The following AATF variants were observed in gnomAD, a reference collection of about 807,000 sequenced individuals.
AATF encodes the protein protein AATF.
In AATF, 48 loss-of-function variants were observed where a neutral mutation model predicts 63.7. The observed-to-expected ratio is 0.75, with a 90% CI of 0.60 to 0.96. The LOEUF (loss-of-function observed/expected upper bound fraction) is 0.96. Among genes scored for constraint, AATF ranks in the 40% least tolerant of loss-of-function variants. The pLI, the probability that AATF is intolerant of heterozygous loss-of-function variation, is 0.00. For synonymous variants in AATF, 258 were observed against 247.7 expected (o/e 1.04, Z -0.39); for missense variants, 639 against 685.7 (o/e 0.93, Z 0.76).
intron 11 of AATF, among the ~76,000 whole-genome samples, chr17:37,032,823 TATA>T (rs1567991272): frequency 6.6e-6 from 1 of 152,210 alleles, no homozygotes; most frequent in Non-Finnish European, 1.5e-5. Context: ...ATAATATTGT[TATA>T]ATATTTATTT....
Position 37,042,987 on chromosome 17 carries a change from C to T in AATF, c.1619+11302C>T, listed in dbSNP as rs937635529. On this transcript the variant is annotated intron_variant, in intron 11 of 11. Transcript: ENST00000619387. ...CGATCTCTTGACCTCATGATCTGCC[C>T]ACCTCGGCCTCCCAAAGTGCTGGGA... is the stretch of plus-strand genomic sequence containing the variant. The T allele has an allele frequency of 4.6e-5, 7 of 151,628 alleles. 1 individual carries two copies. Among genetic ancestry groups the T allele is most frequent in the Admixed American group, 3.9e-4 (6 of 15,208 alleles). The allele number at this position is 151,628 out of a possible 1,614,324, so 9.4% of individuals were successfully genotyped here.
intron 10 of AATF, among the ~76,000 whole-genome samples, chr17:37,022,645 A>G (rs1412292529): frequency 1.3e-5 from 2 of 152,272 alleles, no homozygotes; most frequent in African/African-American, 2.4e-5. Flanking sequence ...TTTGACATTG[A>G]TTAGTAGTTA....
At chr17:37,025,343 T>C (rs994273967) in intron 10 of AATF, among the ~76,000 whole-genome samples, 1 of 152,198 alleles carries the variant, frequency 6.6e-6, no homozygotes, top group Non-Finnish European at 1.5e-5. Context: ...TATTAGTTGA[T>C]AGTTTGGCAA....
chr17:37,011,687 C>T (rs1347221371), intron 8 of AATF, among the ~76,000 whole-genome samples: 2 of 152,086 alleles, frequency 1.3e-5, no homozygotes, highest in Non-Finnish European at 1.5e-5. Flanking sequence ...AGAGAGATGC[C>T]TCACTGATAC....
At chr17:36,983,894 T>C (rs2071147008) in intron 4 of AATF, among the ~76,000 whole-genome samples, 1 of 152,226 alleles carries the variant, frequency 6.6e-6, no homozygotes, top group Admixed American at 6.5e-5. Flanking sequence ...TATTGGACCA[T>C]TGAGTTCTTT....
At chr17:36,966,588 A>G (rs1254253450) in intron 4 of AATF, among the ~76,000 whole-genome samples, 1 of 152,010 alleles carries the variant, frequency 6.6e-6, no homozygotes, top group Non-Finnish European at 1.5e-5. Flanking sequence ...ATTTTAAATC[A>G]TATTTTTAAT....
At chr17:36,965,968 A>G (rs905164891) in intron 4 of AATF, among the ~76,000 whole-genome samples, 1 of 151,986 alleles carries the variant, frequency 6.6e-6, no homozygotes, top group Non-Finnish European at 1.5e-5. Flanking sequence ...ATGTCTAAGT[A>G]TGGGTCATTT....
In AATF at chr17:37,036,131, C is replaced by T. The variant is rs559406621; in HGVS notation, c.1619+4446C>T. On this transcript the variant is annotated intron_variant, in intron 11 of 11. Transcript: ENST00000619387. ...AAATACATGAAACAAAATGTTCTGC[C>T]CTTTTGACTTCTTGTTCCCAGAGGC... 2.0e-5 allele frequency among the ~76,000 whole-genome samples: 3 copies of T among 152,198 alleles called. No individual in the cohort carries two copies. The South Asian group carries it at 6.2e-4, about 32-fold the overall frequency.
At chr17:37,041,545 G>A (rs1053008902) in intron 11 of AATF, among the ~76,000 whole-genome samples, 2 of 151,638 alleles carry the variant, frequency 1.3e-5, no homozygotes, top group Non-Finnish European at 2.9e-5. Context: ...TTGCCCTGTC[G>A]CCCAGGCTGA....
At chr17:37,029,234 C>G (rs1338556162) in intron 10 of AATF, among the ~76,000 whole-genome samples, 1 of 149,534 alleles carries the variant, frequency 6.7e-6, no homozygotes, top group African/African-American at 2.5e-5. Context: ...AGTTTTCTTA[C>G]TTTTTTATTT....
chr17:36,981,638 T>TTTC (rs916768791), intron 4 of AATF, among the ~76,000 whole-genome samples: 1 of 151,304 alleles, frequency 6.6e-6, no homozygotes, highest in Non-Finnish European at 1.5e-5. Context: ...TTCTTTCTTT[T>TTTC]TTCTTCTTCT....
intron 6 of AATF, 27 bp downstream of exon 6, chr17:36,988,747 G>A (rs754825530): frequency 1.2e-6 from 2 of 1,600,940 alleles, no homozygotes; most frequent in Admixed American, 1.7e-5. Flanking sequence ...GCGCATGTAT[G>A]TGTAAGATAG....
intron 11 of AATF, chr17:37,052,758 C>G (rs8076508): frequency 6.6e-6 from 1 of 152,432 alleles, no homozygotes; most frequent in African/African-American, 2.4e-5. Flanking sequence ...ACATGGACCT[C>G]GGGCTGCCAC....
At chr17:37,055,216 G>A (rs761321855) in intron 11 of AATF, 4 of 152,186 alleles carry the variant, frequency 2.6e-5, no homozygotes, top group Non-Finnish European at 4.4e-5. Context: ...AATAAAATTG[G>A]AGGCCTGTTG....
intron 10 of AATF, among the ~76,000 whole-genome samples, chr17:37,030,779 C>G (rs2071546028): frequency 6.6e-6 from 1 of 152,030 alleles, no homozygotes; most frequent in Admixed American, 6.6e-5. Flanking sequence ...CCTTGGGGAA[C>G]CAGTGGCAGT....
intron 4 of AATF, among the ~76,000 whole-genome samples, chr17:36,970,428 G>T (rs1432038421): frequency 1.3e-5 from 2 of 151,996 alleles, no homozygotes; most frequent in African/African-American, 4.8e-5. Flanking sequence ...CAGTGGAATA[G>T]AATAGAGAGT....
intron 4 of AATF, among the ~76,000 whole-genome samples, chr17:36,972,127 G>A (rs2071044182): frequency 1.3e-5 from 2 of 152,054 alleles, no homozygotes; most frequent in African/African-American, 4.8e-5. Context: ...TTATGGTAAT[G>A]GATACATGAT....
chr17:37,039,248 C>G (rs999816934), intron 11 of AATF, among the ~76,000 whole-genome samples: 2 of 152,174 alleles, frequency 1.3e-5, no homozygotes, highest in Non-Finnish European at 2.9e-5. Context: ...TAAAAACTTG[C>G]AAGCAAGAAT....
chr17:37,004,659 A>T (rs572446252), intron 8 of AATF, among the ~76,000 whole-genome samples: 1 of 152,102 alleles, frequency 6.6e-6, no homozygotes, highest in Non-Finnish European at 1.5e-5. Flanking sequence ...GAGTGCTTCT[A>T]TGTTATTTTA....
Sources: allele counts gnomAD v4.1 joint callset (sites outside exome capture counted in the v4.1 genomes callset), GRCh38; gene constraint gnomAD v4.1.1; transcripts MANE v1.5; gene names NCBI Gene and HGNC (gene_info 2026-07-23, HGNC 2026-07-21).